Variants in TMEM50B observed in about 807,000 individuals in gnomAD.
TMEM50B encodes the protein HCV p7-trans-regulated protein 3.
TMEM50B carries 14 observed loss-of-function variants against 23.4 expected under a neutral mutation model. The ratio of observed to expected loss-of-function variants is 0.60; its 90% CI spans 0.39 to 0.93. The LOEUF (loss-of-function observed/expected upper bound fraction) is 0.93. Ranked by LOEUF, TMEM50B falls within the 40% of genes least tolerant of loss-of-function variation. The pLI is 0.00. For synonymous variants in TMEM50B, 64 were observed against 62.3 expected (o/e 1.03, Z -0.13); for missense variants, 159 against 193.0 (o/e 0.82, Z 1.04).
At chr21:33,475,765 T>G (rs1021698494) in intron 1 of TMEM50B, among the ~76,000 whole-genome samples, 1 of 151,930 alleles carries the variant, frequency 6.6e-6, no homozygotes, top group Non-Finnish European at 1.5e-5. Flanking sequence ...CAATCCTGGC[T>G]AACACGTTGA....
intron 1 of TMEM50B, among the ~76,000 whole-genome samples, chr21:33,471,702 T>C (rs2084317443): frequency 6.6e-6 from 1 of 152,088 alleles, no homozygotes; most frequent in Non-Finnish European, 1.5e-5. Context: ...AGCAAGACCC[T>C]GTCTCTAAAA....
At chr21:33,474,191 G>C (rs1286313887) in intron 1 of TMEM50B, among the ~76,000 whole-genome samples, 1 of 151,228 alleles carries the variant, frequency 6.6e-6, no homozygotes, top group Non-Finnish European at 1.5e-5. Context: ...TGGGGGGCAG[G>C]GGAGGGGGTT....
At chr21:33,457,481 C>T (rs2084179884) in intron 5 of TMEM50B, among the ~76,000 whole-genome samples, 1 of 151,784 alleles carries the variant, frequency 6.6e-6, no homozygotes, top group Admixed American at 6.6e-5. Flanking sequence ...GAAACCCTGT[C>T]TCTACTAAAA....
At chr21:33,456,349 C>G (rs112112431) in intron 5 of TMEM50B, among the ~76,000 whole-genome samples, 4,994 of 152,232 alleles carry the variant, frequency 0.033, 291 homozygotes, top group African/African-American at 0.12. Flanking sequence ...CAGGCACACA[C>G]CACAATGCCT....
downstream of TMEM50B, among the ~76,000 whole-genome samples, chr21:33,445,683 A>T (rs2084047164): frequency 6.6e-6 from 1 of 152,092 alleles, no homozygotes. Context: ...CTACAATCCC[A>T]GTTACTTGGG....
In TMEM50B at chr21:33,460,454, A is replaced by G. The variant is rs1663316427; in HGVS notation, c.332T>C (p.Ile111Thr). The change falls in exon 5 of 7, where the codon ATT becomes ACT. Residue 111 changes from isoleucine (I) to threonine (T), a missense_variant. Transcript: ENST00000542230. ...ACCAAAAAGAATCCACATGGAAGCA[A>G]TAAGTGACCCAAACATCAACATGAA... ...IGFMLMFGSL[I>T]ASMWILFGAY... The G allele has an allele frequency of 6.8e-6, 11 of 1,612,942 alleles. No homozygotes were observed. The highest frequency in any genetic ancestry group is 1.3e-5 in the African/African-American group (1 of 74,994).
chr21:33,448,824 C>T (rs8134200), downstream of TMEM50B: 88,725 of 151,404 alleles, frequency 0.59, 28,053 homozygotes, highest in East Asian at 0.83. Flanking sequence ...AGAGGATTGC[C>T]TGAGCTCCAG....
chr21:33,433,347 A>C (rs1333727178), intron 8 of TMEM50B, among the ~76,000 whole-genome samples: 1 of 152,224 alleles, frequency 6.6e-6, no homozygotes, highest in African/African-American at 2.4e-5. Flanking sequence ...AACAGCCAAA[A>C]GGTGGAAGCA....
At chr21:33,439,686 A>G (rs1338251973) in intron 7 of TMEM50B, among the ~76,000 whole-genome samples, 1 of 151,566 alleles carries the variant, frequency 6.6e-6, no homozygotes, top group Non-Finnish European at 1.5e-5. Flanking sequence ...AGCCTTAAAT[A>G]GTATTTTCTG....
rs1233248663 is a variant in TMEM50B at position 33,479,919 on chromosome 21, G to A, written c.-123C>T. On this transcript the variant is annotated 5_prime_UTR_variant, in exon 1 of 7. Coordinates refer to ENST00000542230, the MANE Select transcript of TMEM50B (RefSeq NM_006134.7). ...TGCGCCACAACCCTGCCGGCGTCCC[G>A]CGGCTCCACCTCAGCCCCGGGAGCC... The A allele has an allele frequency of 6.6e-6, 1 of 152,256 alleles. No individual in the cohort carries two copies. The allele number at this position is 152,256 out of a possible 1,614,324, so 9.4% of individuals were successfully genotyped here.
intron 5 of TMEM50B, among the ~76,000 whole-genome samples, chr21:33,456,498 A>G (rs1220937778): frequency 6.6e-6 from 1 of 152,240 alleles, no homozygotes; most frequent in East Asian, 1.9e-4. Flanking sequence ...AACAAAATGG[A>G]AACTACTTAA....
chr21:33,459,667 C>A (rs377282502), intron 5 of TMEM50B, among the ~76,000 whole-genome samples: 1,283 of 123,638 alleles, frequency 0.01, no homozygotes, highest in African/African-American at 0.012. Context: ...GACTCCGTCT[C>A]AAAAAAAAAA....
downstream of TMEM50B, among the ~76,000 whole-genome samples, chr21:33,448,411 T>C (rs182401944): frequency 6.4e-4 from 98 of 152,208 alleles, 1 homozygote; most frequent in African/African-American, 2.2e-3. Flanking sequence ...CTTTGTGAGG[T>C]TGAGGCAGGT....
Position 33,436,765 on chromosome 21 carries a change from T to C in TMEM50B, c.*2120+2449A>G. On this transcript the variant is annotated intron_variant and NMD_transcript_variant, in intron 8 of 8. Transcript: ENST00000420455. ...AATAAAATAAAAACAAAAACTAAAG[T>C]TAAAAGGTCTGGTATACTGAACTGG... The C allele has an allele frequency of 1.5e-6, 2 of 1,330,898 alleles. 1 individual carries two copies. The highest frequency in any genetic ancestry group is 2.6e-5 in the South Asian group (2 of 76,720). 82.4% of individuals were successfully genotyped at this position (1,330,898 alleles called of 1,614,324 possible). A position where few individuals can be genotyped will look rare whatever the true frequency, so the allele number is the denominator to read the frequency against.
At chr21:33,464,642 C>A (rs1184442875) in intron 4 of TMEM50B, among the ~76,000 whole-genome samples, 2 of 150,160 alleles carry the variant, frequency 1.3e-5, no homozygotes, top group Non-Finnish European at 3.0e-5. Flanking sequence ...CCCATCTCTA[C>A]TAAAACTTCA....
chr21:33,475,772 T>C (rs573892387), intron 1 of TMEM50B, among the ~76,000 whole-genome samples: 5 of 151,868 alleles, frequency 3.3e-5, no homozygotes, highest in East Asian at 2.0e-4. Context: ...GGCTAACACG[T>C]TGAAACCCCA....
At chr21:33,443,892 G>GT (rs762875551) in intron 7 of TMEM50B, among the ~76,000 whole-genome samples, 19 of 95,848 alleles carry the variant, frequency 2.0e-4, no homozygotes, top group Middle Eastern at 4.6e-3. Context: ...ATTCTTTGTG[G>GT]TTTTTTTTTG....
intron 6 of TMEM50B, among the ~76,000 whole-genome samples, chr21:33,451,631 G>A (rs1292226571): frequency 2.0e-5 from 3 of 152,104 alleles, no homozygotes; most frequent in Admixed American, 6.6e-5. Flanking sequence ...GGACACTCCA[G>A]GGCCATGAGT....
intron 8 of TMEM50B, chr21:33,437,631 G>A (rs2083970304): frequency 6.6e-6 from 1 of 152,398 alleles, no homozygotes; most frequent in Non-Finnish European, 1.5e-5. Flanking sequence ...AGCTACTGAG[G>A]CCTCATGGGA....
Sources: allele counts gnomAD v4.1 joint callset (sites outside exome capture counted in the v4.1 genomes callset), GRCh38; gene constraint gnomAD v4.1.1; transcripts MANE v1.5; gene names NCBI Gene and HGNC (gene_info 2026-07-23, HGNC 2026-07-21).